The following GEMIN8 variants were observed in gnomAD, a reference collection of about 807,000 sequenced individuals.
GEMIN8 encodes gem-associated protein 8.
For missense variants in GEMIN8, 185 were observed against 205.9 expected, an observed-to-expected ratio of 0.90 and a Z score of 0.62; for synonymous variants, 80 against 78.5, an observed-to-expected ratio of 1.02 and a Z score of -0.10.
intron 2 of GEMIN8, among the ~76,000 whole-genome samples, chrX:14,021,814 GTATATATATATATATATATA>G (rs147147045): frequency 1.3e-5 from 1 of 78,280 alleles, no homozygotes; most frequent in Admixed American, 1.5e-4. Flanking sequence ...TAATGTGTGT[GTATATATATATATATATATA>G]TATATATATA....
the GEMIN8 span, among the ~76,000 whole-genome samples, chrX:13,989,173 C>T: frequency 3.6e-5 from 4 of 111,313 alleles, no homozygotes; most frequent in African/African-American, 1.3e-4. Flanking sequence ...ACTGCAGCCT[C>T]AAACTTCTGG....
At chrX:13,995,414 A>C in the GEMIN8 span, among the ~76,000 whole-genome samples, 3 of 112,094 alleles carry the variant, frequency 2.7e-5, no homozygotes, top group Non-Finnish European at 5.6e-5. Context: ...GCAAGCTCGT[A>C]TTATTACACT....
chrX:14,025,953 C>A (rs1277735336), intron 2 of GEMIN8, 187 bp downstream of exon 2: 3 of 390,362 alleles, frequency 7.7e-6, no homozygotes, highest in Non-Finnish European at 9.7e-6. Flanking sequence ...TTTCTTCACG[C>A]ATGGAGAACT....
downstream of GEMIN8, among the ~76,000 whole-genome samples, chrX:14,003,550 T>A (rs1315165292): frequency 8.9e-6 from 1 of 112,497 alleles, no homozygotes. Context: ...CTGACCTGGA[T>A]GGAACTGAGG....
intron 2 of GEMIN8, among the ~76,000 whole-genome samples, chrX:14,024,163 T>C (rs1050920704): frequency 2.7e-5 from 3 of 112,022 alleles, no homozygotes; most frequent in Admixed American, 9.4e-5. Context: ...TCAAGGGTAA[T>C]TGATGATGTT....
At position 14,020,374 on chromosome X, in the gene GEMIN8, G is replaced by A. The variant is rs1469050723; in HGVS notation, c.176C>T (p.Ala59Val). Reference sequence around the variant, plus strand: ...ATCGTAAGAGCTTTGGGGAAGAAGCGCAGAAGGTAAGTACCATGGAAGATT... The same window carrying A: ...ATCGTAAGAGCTTTGGGGAAGAAGCACAGAAGGTAAGTACCATGGAAGATT... The part of the protein sequence containing the change: ...CFNLPWYLPS[A>V]LLPQSSYDNE... Residue 59 changes from alanine (A) to valine (V), a missense_variant, in exon 4 of 5, where the codon GCG becomes GTG. Physicochemically the swap from Ala to Val is moderately conservative, Grantham distance 64 (BLOSUM62 0). Coordinates refer to ENST00000680255, the MANE Select transcript of GEMIN8 (RefSeq NM_001042479.2). The A allele has an allele frequency of 8.3e-7, 1 of 1,209,136 alleles. No individual in the cohort carries two copies. Among genetic ancestry groups the A allele is most frequent in the Non-Finnish European group, 1.1e-6 (1 of 894,245 alleles).
At chrX:14,025,345 A>C (rs1000008808) in intron 2 of GEMIN8, among the ~76,000 whole-genome samples, 7 of 109,800 alleles carry the variant, frequency 6.4e-5, no homozygotes, top group Admixed American at 5.0e-4. Context: ...TAAAAAAAAA[A>C]AAAACACACA....
the GEMIN8 span, among the ~76,000 whole-genome samples, chrX:13,991,539 T>C: frequency 9.0e-6 from 1 of 111,208 alleles, no homozygotes; most frequent in Non-Finnish European, 1.9e-5. Flanking sequence ...ATTAGGTGAG[T>C]ATGCTAATGC....
chrX:14,016,442 C>T (rs1218964836), intron 4 of GEMIN8, among the ~76,000 whole-genome samples: 1 of 111,668 alleles, frequency 9.0e-6, no homozygotes, highest in African/African-American at 3.3e-5. Context: ...GACACCAAAA[C>T]TTTCATTCTT....
downstream of GEMIN8, among the ~76,000 whole-genome samples, chrX:14,005,538 G>A (rs185133801): frequency 1.5e-3 from 169 of 111,850 alleles, 1 homozygote; most frequent in Non-Finnish European, 2.1e-3. Context: ...TGTATCTTTT[G>A]TACTATCCTT....
At chrX:14,025,181 C>A (rs1456380127) in intron 2 of GEMIN8, among the ~76,000 whole-genome samples, 2 of 111,818 alleles carry the variant, frequency 1.8e-5, no homozygotes, top group Non-Finnish European at 3.8e-5. Context: ...AAAGGAATAG[C>A]AACTTGCATA....
the GEMIN8 span, among the ~76,000 whole-genome samples, chrX:13,990,547 C>T: frequency 8.9e-6 from 1 of 112,496 alleles, no homozygotes. Flanking sequence ...GGCTTGAGTG[C>T]ATGGGTCACC....
intron 4 of GEMIN8, among the ~76,000 whole-genome samples, chrX:14,009,592 T>G (rs1365232551): frequency 9.1e-6 from 1 of 110,321 alleles, no homozygotes; most frequent in East Asian, 2.8e-4. Flanking sequence ...AGGAAACTCA[T>G]CACTCCAAAC....
chrX:14,009,823 T>TG (rs1328542985), intron 4 of GEMIN8, among the ~76,000 whole-genome samples: 1 of 111,250 alleles, frequency 9.0e-6, no homozygotes, highest in Non-Finnish European at 1.9e-5. Context: ...TGAGGTGATG[T>TG]GGGGGGAAAA....
intron 4 of GEMIN8, among the ~76,000 whole-genome samples, chrX:14,017,129 C>G (rs985248273): frequency 2.7e-5 from 3 of 109,428 alleles, no homozygotes; most frequent in Non-Finnish European, 5.7e-5. Flanking sequence ...TAATTAGGAT[C>G]CTATTTCATA....
At chrX:13,994,819 T>C in the GEMIN8 span, among the ~76,000 whole-genome samples, 1 of 112,397 alleles carries the variant, frequency 8.9e-6, no homozygotes, top group Non-Finnish European at 1.9e-5. Context: ...AAAATAAAAA[T>C]TAAGAAATAC....
At chrX:13,993,441 CTTTTTTTTT>C in the GEMIN8 span, among the ~76,000 whole-genome samples, 2 of 90,635 alleles carry the variant, frequency 2.2e-5, no homozygotes, top group African/African-American at 8.2e-5. Flanking sequence ...GTTGTGTATA[CTTTTTTTTT>C]TTTTTTTTTT....
chrX:14,014,227 T>C (rs745650360), intron 4 of GEMIN8: 1 of 750,116 alleles, frequency 1.3e-6, no homozygotes, highest in Non-Finnish European at 1.6e-6. Context: ...TTCTGCTATT[T>C]TGCCAAAATG....
At chrX:14,022,372 C>T (rs1304974031) in intron 2 of GEMIN8, among the ~76,000 whole-genome samples, 1 of 110,970 alleles carries the variant, frequency 9.0e-6, no homozygotes. Flanking sequence ...CATGTGACAT[C>T]ACACTCTCCT....
Sources: allele counts gnomAD v4.1 joint callset (sites outside exome capture counted in the v4.1 genomes callset), GRCh38; gene constraint gnomAD v4.1.1; transcripts MANE v1.5; gene names NCBI Gene and HGNC (gene_info 2026-07-23, HGNC 2026-07-21).